The following RANBP2 variants were observed in gnomAD, a reference collection of about 807,000 sequenced individuals.
RANBP2 encodes RAN binding protein 2.
RANBP2 carries 57 observed loss-of-function variants against 303.6 expected under a neutral mutation model. The ratio of observed to expected loss-of-function variants is 0.19; its 90% CI spans 0.15 to 0.23. The LOEUF (loss-of-function observed/expected upper bound fraction) is 0.23, where lower values mean the gene tolerates loss of function less well. RANBP2 is among the 10% of genes least tolerant of loss of function. The pLI is 1.00. For synonymous variants in RANBP2, 1,167 were observed against 1,301.5 expected, an observed-to-expected ratio of 0.90 and a Z score of 2.23; for missense variants, 3,138 against 3,780.8, an observed-to-expected ratio of 0.83 and a Z score of 4.46.
the RANBP2 span, chr2:109,564,483 C>A: frequency 6.3e-7 from 1 of 1,576,270 alleles, no homozygotes. Flanking sequence ...CATATTTGTA[C>A]AAATGAGCAT....
At chr2:109,343,694 G>A in the RANBP2 span, among the ~76,000 whole-genome samples, 155 of 151,630 alleles carry the variant, frequency 1.0e-3, no homozygotes, top group East Asian at 0.025. Flanking sequence ...GTGGCCAGGC[G>A]TACAATCTCC....
chr2:109,214,962 G>A, the RANBP2 span, among the ~76,000 whole-genome samples: 15 of 152,288 alleles, frequency 9.8e-5, no homozygotes, highest in African/African-American at 3.1e-4. Flanking sequence ...GAGAGAAGGG[G>A]CACGTCGCTG....
chr2:109,019,329 T>C, the RANBP2 span, among the ~76,000 whole-genome samples: 1 of 152,216 alleles, frequency 6.6e-6, no homozygotes, highest in Non-Finnish European at 1.5e-5. Context: ...TGTGCTGAGC[T>C]CCAGGGACTC....
chr2:109,534,413 CTCTT>C, the RANBP2 span, among the ~76,000 whole-genome samples: 1 of 152,200 alleles, frequency 6.6e-6, no homozygotes, highest in African/African-American at 2.4e-5. Flanking sequence ...AATTACAAAA[CTCTT>C]TATAAGCAAC....
chr2:109,473,620 C>T, the RANBP2 span, among the ~76,000 whole-genome samples: 1 of 152,136 alleles, frequency 6.6e-6, no homozygotes, highest in East Asian at 1.9e-4. Context: ...AAAGCACAAA[C>T]AAGGTTCAAG....
At chr2:109,683,442 C>G in the RANBP2 span, among the ~76,000 whole-genome samples, 1 of 152,114 alleles carries the variant, frequency 6.6e-6, no homozygotes, top group African/African-American at 2.4e-5. Context: ...ATCCAGTGAA[C>G]CTTCTGGGGG....
chr2:109,421,375 C>T, the RANBP2 span, among the ~76,000 whole-genome samples: 1 of 152,252 alleles, frequency 6.6e-6, no homozygotes, highest in Non-Finnish European at 1.5e-5. Context: ...AAGGCCTCCC[C>T]TTCCTGGGTG....
chr2:109,704,482 T>C, the RANBP2 span, among the ~76,000 whole-genome samples: 1 of 151,928 alleles, frequency 6.6e-6, no homozygotes, highest in Non-Finnish European at 1.5e-5. Flanking sequence ...CAGTGAGCTA[T>C]GATCACACCA....
At chr2:109,625,382 C>T in the RANBP2 span, among the ~76,000 whole-genome samples, 826 of 151,674 alleles carry the variant, frequency 5.4e-3, 4 homozygotes, top group Non-Finnish European at 9.5e-3. Flanking sequence ...AGGCCAGGTG[C>T]AATGGCTCAT....
the RANBP2 span, among the ~76,000 whole-genome samples, chr2:109,104,425 G>A: frequency 7.2e-6 from 1 of 139,120 alleles, no homozygotes; most frequent in Admixed American, 7.8e-5. Flanking sequence ...CTTTTTGACC[G>A]AGAGAGGGGT....
the RANBP2 span, chr2:109,371,590 A>G: frequency 2.5e-6 from 4 of 1,613,904 alleles, no homozygotes; most frequent in East Asian, 8.9e-5. Context: ...CTGCAGGACG[A>G]GATTCTGACG....
At chr2:109,658,736 G>A in the RANBP2 span, among the ~76,000 whole-genome samples, 1 of 151,898 alleles carries the variant, frequency 6.6e-6, no homozygotes, top group Non-Finnish European at 1.5e-5. Context: ...GAACAGAACA[G>A]CCTGGCCAAC....
the RANBP2 span, among the ~76,000 whole-genome samples, chr2:109,277,606 G>T: frequency 6.6e-6 from 1 of 152,124 alleles, no homozygotes; most frequent in Non-Finnish European, 1.5e-5. Flanking sequence ...GCACTCCTCC[G>T]CGTGCGTAGC....
At chr2:109,120,632 A>C in the RANBP2 span, among the ~76,000 whole-genome samples, 2 of 136,640 alleles carry the variant, frequency 1.5e-5, no homozygotes, top group Non-Finnish European at 3.0e-5. Context: ...GCGCCATTGC[A>C]CTCCAGCCTG....
chr2:109,233,041 G>A, the RANBP2 span, among the ~76,000 whole-genome samples: 1 of 152,184 alleles, frequency 6.6e-6, no homozygotes, highest in Non-Finnish European at 1.5e-5. Flanking sequence ...GCACGCAGAT[G>A]AGTGGGTGCT....
At chr2:109,714,812 G>C in the RANBP2 span, among the ~76,000 whole-genome samples, 1 of 151,860 alleles carries the variant, frequency 6.6e-6, no homozygotes, top group Admixed American at 6.6e-5. Flanking sequence ...TTTTCACCAT[G>C]TTGACCAGAC....
the RANBP2 span, among the ~76,000 whole-genome samples, chr2:108,950,041 G>A: frequency 6.6e-6 from 1 of 152,222 alleles, no homozygotes; most frequent in Admixed American, 6.5e-5. Context: ...ACTGAGTGCG[G>A]CCTGGGCATG....
chr2:108,743,060 A>G (rs1039995794), intron 7 of RANBP2, among the ~76,000 whole-genome samples: 72 of 152,358 alleles, frequency 4.7e-4, no homozygotes, highest in Non-Finnish European at 7.6e-4. Context: ...AAGTGCTGGC[A>G]TTATAGGCGT....
chr2:109,273,433 A>C, the RANBP2 span, among the ~76,000 whole-genome samples: 1 of 152,224 alleles, frequency 6.6e-6, no homozygotes, highest in Non-Finnish European at 1.5e-5. Context: ...GCCTGCCCCC[A>C]GGAGGTGTGC....
Sources: gnomAD v4.1 joint callset for allele counts (sites outside exome capture counted in the v4.1 genomes callset) on GRCh38, gnomAD v4.1.1 for gene constraint, MANE v1.5 for transcripts, NCBI Gene and HGNC (gene_info 2026-07-23, HGNC 2026-07-21) for gene names.